The following ATXN1 variants were observed in gnomAD, a reference collection of about 807,000 sequenced individuals.
ATXN1 encodes ataxin 1.
Under a neutral mutation model 56.4 loss-of-function variants are expected in ATXN1, and 8 were observed. The ratio of observed to expected loss-of-function variants is 0.14; its 90% CI spans 0.08 to 0.26. The LOEUF is 0.26. ATXN1 is among the 10% of genes least tolerant of loss of function. The probability of loss-of-function intolerance (pLI) is 1.00; values close to 1 mark genes in which losing one functional copy is unlikely to be tolerated. For synonymous variants in ATXN1, 514 were observed against 494.6 expected, an observed-to-expected ratio of 1.04 and a Z score of -0.52; for missense variants, 987 against 1,106.5, an observed-to-expected ratio of 0.89 and a Z score of 1.53.
At chr6:16,598,875 C>G (rs886612923) in intron 3 of ATXN1, among the ~76,000 whole-genome samples, 2 of 152,214 alleles carry the variant, frequency 1.3e-5, no homozygotes, top group African/African-American at 4.8e-5. Flanking sequence ...TGGCCTCCGT[C>G]AAAAAGTCAC....
intron 6 of ATXN1, among the ~76,000 whole-genome samples, chr6:16,402,341 A>G (rs1228480702): frequency 7.6e-6 from 1 of 131,188 alleles, no homozygotes; most frequent in Admixed American, 9.2e-5. Flanking sequence ...TTTGATGCAC[A>G]TTATTGACTG....
At chr6:16,744,232 G>A (rs1228595928) in intron 2 of ATXN1, among the ~76,000 whole-genome samples, 1 of 152,136 alleles carries the variant, frequency 6.6e-6, no homozygotes, top group East Asian at 1.9e-4. Flanking sequence ...ACCTTCCACT[G>A]GAAGAGCTAT....
At chr6:16,641,318 G>A (rs926412040) in intron 3 of ATXN1, among the ~76,000 whole-genome samples, 7 of 152,174 alleles carry the variant, frequency 4.6e-5, no homozygotes, top group East Asian at 1.9e-4. Flanking sequence ...TAGCTAGAGA[G>A]GAGAAGTCAA....
intron 2 of ATXN1, among the ~76,000 whole-genome samples, chr6:16,743,231 C>T (rs1334166046): frequency 1.3e-5 from 2 of 152,174 alleles, no homozygotes; most frequent in Non-Finnish European, 2.9e-5. Context: ...TACTATAAAA[C>T]TTAAATATGA....
At chr6:16,758,402 T>A (rs1760952229) in intron 1 of ATXN1, among the ~76,000 whole-genome samples, 1 of 152,204 alleles carries the variant, frequency 6.6e-6, no homozygotes, top group Admixed American at 6.5e-5. Context: ...CTGTTCACAA[T>A]AAACACCAGC....
Position 16,760,765 on chromosome 6 carries a change from G to A in ATXN1, c.-730+533C>T, listed in dbSNP as rs1163386665. Among the ~76,000 whole-genome samples the A allele has an allele frequency of 1.3e-5, 2 of 151,360 alleles. No homozygotes were observed. Among genetic ancestry groups the A allele is most frequent in the Non-Finnish European group, 3.0e-5 (2 of 67,714 alleles). ...CCTCTCTCTCACCGCCCTCTCCGGG[G>A]AGGAGGAATGGGAAGAGGGCGGCCG... On this transcript the variant is annotated intron_variant, in intron 1 of 7. Coordinates refer to ENST00000436367, the MANE Select transcript of ATXN1 (RefSeq NM_001128164.2). This position sits in a 1 kb window ranked among gnomAD's most constrained non-coding sequence, Gnocchi z 5.3.
chr6:16,568,345 C>T (rs1361469565), intron 4 of ATXN1, among the ~76,000 whole-genome samples: 2 of 152,184 alleles, frequency 1.3e-5, no homozygotes, highest in Non-Finnish European at 1.5e-5. Flanking sequence ...ATAAGTCAAC[C>T]TGACAAGCCC....
intron 2 of ATXN1, among the ~76,000 whole-genome samples, chr6:16,724,591 G>A (rs1010735235): frequency 2.0e-5 from 3 of 152,076 alleles, no homozygotes; most frequent in Non-Finnish European, 2.9e-5. Flanking sequence ...AACTTTCTAC[G>A]GGACAACCAT....
chr6:16,527,044 A>G (rs553665046), intron 4 of ATXN1, among the ~76,000 whole-genome samples: 116 of 151,744 alleles, frequency 7.6e-4, no homozygotes, highest in African/African-American at 2.8e-3. Context: ...AAAAATCAGG[A>G]CTTACCATAT....
intron 5 of ATXN1, among the ~76,000 whole-genome samples, chr6:16,494,971 G>C (rs1467284258): frequency 6.6e-6 from 1 of 152,222 alleles, no homozygotes; most frequent in Non-Finnish European, 1.5e-5. Context: ...TGGTTGCCAT[G>C]AGTCATCACG....
At chr6:16,629,420 C>G (rs752714516) in intron 3 of ATXN1, among the ~76,000 whole-genome samples, 3 of 152,046 alleles carry the variant, frequency 2.0e-5, no homozygotes, top group Non-Finnish European at 2.9e-5. Context: ...CTTCGCCTCC[C>G]AGGTTCAAGC....
intron 4 of ATXN1, among the ~76,000 whole-genome samples, chr6:16,548,035 TAG>T (rs1046167898): frequency 4.9e-4 from 74 of 152,292 alleles, no homozygotes; most frequent in African/African-American, 1.7e-3. Flanking sequence ...GTGAACATCG[TAG>T]AGTCTACTCA....
chr6:16,729,964 A>G (rs1006311701), intron 2 of ATXN1, among the ~76,000 whole-genome samples: 1 of 152,210 alleles, frequency 6.6e-6, no homozygotes, highest in Non-Finnish European at 1.5e-5. Flanking sequence ...CTCATCTCAG[A>G]GATGGCAACA....
intron 6 of ATXN1, among the ~76,000 whole-genome samples, chr6:16,373,079 G>A (rs1581720964): frequency 6.6e-6 from 1 of 152,330 alleles, no homozygotes; most frequent in East Asian, 1.9e-4. Flanking sequence ...GACACATAGG[G>A]CCATGTAGGT....
At chr6:16,420,726 C>T (rs1006108304) in intron 6 of ATXN1, among the ~76,000 whole-genome samples, 51 of 152,112 alleles carry the variant, frequency 3.4e-4, no homozygotes, top group African/African-American at 1.2e-3. Context: ...TGGGAGATGG[C>T]TTTATAGTCT....
At chr6:16,585,434 T>C (rs1158139269) in intron 4 of ATXN1, among the ~76,000 whole-genome samples, 1 of 152,184 alleles carries the variant, frequency 6.6e-6, no homozygotes, top group Non-Finnish European at 1.5e-5. Flanking sequence ...CTCTTAATAA[T>C]CTCTACTACT....
At chr6:16,566,626 G>A (rs1762223829) in intron 4 of ATXN1, among the ~76,000 whole-genome samples, 2 of 152,054 alleles carry the variant, frequency 1.3e-5, no homozygotes, top group Admixed American at 6.6e-5. Flanking sequence ...GGCCACGGCG[G>A]GCGGATCACG....
intron 6 of ATXN1, among the ~76,000 whole-genome samples, chr6:16,480,033 T>A (rs1442930505): frequency 2.0e-5 from 3 of 151,280 alleles, no homozygotes; most frequent in African/African-American, 7.3e-5. Flanking sequence ...ACACCTGTAA[T>A]CCCAGCTACT....
At chr6:16,358,902 A>C (rs1761748452) in intron 6 of ATXN1, among the ~76,000 whole-genome samples, 1 of 152,218 alleles carries the variant, frequency 6.6e-6, no homozygotes, top group Non-Finnish European at 1.5e-5. Context: ...TCCAGGAAGC[A>C]GGCAGGAGCC....
Sources: gnomAD v4.1 joint callset for allele counts (sites outside exome capture counted in the v4.1 genomes callset) on GRCh38, gnomAD v4.1.1 for gene constraint, Gnocchi (gnomAD v3.1) non-coding constraint, MANE v1.5 for transcripts, NCBI Gene and HGNC (gene_info 2026-07-23, HGNC 2026-07-21) for gene names.